Variants in FAF1 observed in about 807,000 individuals in gnomAD.
FAF1 encodes the protein FAS-associated factor 1.
Under a neutral mutation model 92.5 loss-of-function variants are expected in FAF1, and 25 were observed. The observed-to-expected ratio is 0.27, with a 90% confidence interval of 0.20 to 0.38. FAF1 has a LOEUF of 0.38. Ranked by LOEUF, FAF1 falls within the 10% of genes least tolerant of loss-of-function variation. The pLI is 1.00. For synonymous variants in FAF1, 234 were observed against 273.2 expected (o/e 0.86, Z 1.42); for missense variants, 636 against 793.3 (o/e 0.80, Z 2.38).
At chr1:50,633,911 CTG>C (rs1342738392) in intron 8 of FAF1, among the ~76,000 whole-genome samples, 1 of 152,188 alleles carries the variant, frequency 6.6e-6, no homozygotes, top group Non-Finnish European at 1.5e-5. Flanking sequence ...AAGTAATAAA[CTG>C]TAAAGCAGTT....
chr1:50,471,480 G>C (rs780433391), intron 18 of FAF1, among the ~76,000 whole-genome samples: 52 of 152,136 alleles, frequency 3.4e-4, no homozygotes, highest in Admixed American at 7.9e-4. Flanking sequence ...GTCTTAGAGG[G>C]AGAAACAAAA....
chr1:50,675,224 T>C (rs1486969051), intron 7 of FAF1, among the ~76,000 whole-genome samples: 3 of 152,180 alleles, frequency 2.0e-5, no homozygotes, highest in African/African-American at 7.2e-5. Flanking sequence ...TCTGGTAAAT[T>C]TTCTCTGTGT....
chr1:50,802,746 C>A (rs1365480591), intron 2 of FAF1, among the ~76,000 whole-genome samples: 1 of 152,176 alleles, frequency 6.6e-6, no homozygotes, highest in Admixed American at 6.5e-5. Context: ...TGTCTTTATA[C>A]CATAACAACT....
intron 15 of FAF1, among the ~76,000 whole-genome samples, chr1:50,494,333 G>C (rs1646874488): frequency 1.3e-5 from 2 of 152,170 alleles, no homozygotes; most frequent in Admixed American, 1.3e-4. Flanking sequence ...GTATAAATTT[G>C]TTCTCATAAC....
At chr1:50,692,501 C>T (rs1346734720) in intron 7 of FAF1, among the ~76,000 whole-genome samples, 2 of 152,224 alleles carry the variant, frequency 1.3e-5, no homozygotes, top group East Asian at 1.9e-4. Flanking sequence ...CTCCTCTCTA[C>T]TTCTATGAGT....
At chr1:50,886,633 G>C (rs1305209062) in intron 1 of FAF1, among the ~76,000 whole-genome samples, 1 of 151,950 alleles carries the variant, frequency 6.6e-6, no homozygotes, top group Admixed American at 6.6e-5. Flanking sequence ...GTGGTGTTTG[G>C]TTTTTTCTCC....
chr1:50,574,524 C>T (rs1463163256), intron 12 of FAF1, among the ~76,000 whole-genome samples: 1 of 152,162 alleles, frequency 6.6e-6, no homozygotes, highest in Non-Finnish European at 1.5e-5. Flanking sequence ...AGGGATAACA[C>T]TACTCCTAGT....
intron 2 of FAF1, among the ~76,000 whole-genome samples, chr1:50,804,238 C>T (rs1662107263): frequency 6.6e-6 from 1 of 152,058 alleles, no homozygotes; most frequent in Non-Finnish European, 1.5e-5. Flanking sequence ...TCAGCTAATA[C>T]CAAAATGGAG....
intron 8 of FAF1, among the ~76,000 whole-genome samples, chr1:50,615,202 C>T (rs1036504521): frequency 1.3e-5 from 2 of 152,216 alleles, no homozygotes; most frequent in Non-Finnish European, 2.9e-5. Flanking sequence ...CAGGTTGCTG[C>T]AAAAGATATG....
chr1:50,660,084 C>T (rs1229452908), intron 7 of FAF1, among the ~76,000 whole-genome samples: 1 of 152,174 alleles, frequency 6.6e-6, no homozygotes, highest in Non-Finnish European at 1.5e-5. Flanking sequence ...TTATAAGCTA[C>T]TCAATATAAA....
intron 7 of FAF1, among the ~76,000 whole-genome samples, chr1:50,705,407 C>T (rs1657632909): frequency 6.6e-6 from 1 of 152,142 alleles, no homozygotes; most frequent in African/African-American, 2.4e-5. Flanking sequence ...GCAGAGTACA[C>T]AATATAAATA....
intron 4 of FAF1, among the ~76,000 whole-genome samples, chr1:50,773,544 A>G (rs1341392321): frequency 6.6e-6 from 1 of 152,242 alleles, no homozygotes; most frequent in Non-Finnish European, 1.5e-5. Flanking sequence ...GAGTCTAGAG[A>G]ACATTCTGCT....
At chr1:50,825,044 C>T (rs1373213519) in intron 2 of FAF1, among the ~76,000 whole-genome samples, 1 of 151,998 alleles carries the variant, frequency 6.6e-6, no homozygotes, top group Admixed American at 6.5e-5. Flanking sequence ...AATAACACAA[C>T]AGAGTGACTA....
At chr1:50,590,082 A>G (rs1651431644) in intron 9 of FAF1, among the ~76,000 whole-genome samples, 1 of 152,148 alleles carries the variant, frequency 6.6e-6, no homozygotes, top group African/African-American at 2.4e-5. Flanking sequence ...TTTTTACTAA[A>G]CATTGGAATC....
intron 13 of FAF1, among the ~76,000 whole-genome samples, chr1:50,546,153 G>A (rs1042714350): frequency 6.6e-6 from 1 of 152,114 alleles, no homozygotes; most frequent in Non-Finnish European, 1.5e-5. Flanking sequence ...GCAACAGAGT[G>A]AGACCCTGTG....
chr1:50,651,658 T>A (rs1022533632), intron 8 of FAF1, among the ~76,000 whole-genome samples: 1 of 152,190 alleles, frequency 6.6e-6, no homozygotes, highest in South Asian at 2.1e-4. Context: ...CACACTGTCT[T>A]GGAAAGAAAT....
chr1:50,917,416 CA>C (rs1644925772), intron 1 of FAF1, among the ~76,000 whole-genome samples: 1 of 152,006 alleles, frequency 6.6e-6, no homozygotes, highest in Non-Finnish European at 1.5e-5. Context: ...ACAGAACCAA[CA>C]AATAAAAATA....
At chr1:50,727,900 C>G (rs1156551199) in intron 6 of FAF1, among the ~76,000 whole-genome samples, 1 of 152,172 alleles carries the variant, frequency 6.6e-6, no homozygotes, top group South Asian at 2.1e-4. Flanking sequence ...GGACCTTTGG[C>G]CACAGACTGA....
Position 50,533,766 on chromosome 1 carries a change from C to T in FAF1, c.1494+1603G>A, listed in dbSNP as rs188765229. On this transcript the variant is annotated intron_variant, in intron 15 of 18. Transcript: ENST00000396153. ...AAACACATAAATTAAAAATGATAAT[C>T]TTACCAATATCTGTGAACATAACAT... 1.6e-4 allele frequency among the ~76,000 whole-genome samples: 25 copies of T among 152,282 alleles called. No homozygotes were observed. In the East Asian group the frequency reaches 4.4e-3, roughly 27 times the overall value.
Sources: allele counts gnomAD v4.1 joint callset (sites outside exome capture counted in the v4.1 genomes callset), GRCh38; gene constraint gnomAD v4.1.1; transcripts MANE v1.5; gene names NCBI Gene and HGNC (gene_info 2026-07-23, HGNC 2026-07-21).